The following LMO1 variants were observed in gnomAD, a reference collection of about 807,000 sequenced individuals.
LMO1 encodes LIM domain only 1, also known as rhombotin-1.
A neutral mutation model predicts 18.0 loss-of-function variants in LMO1; 10 were observed. That is an observed-to-expected ratio of 0.55 (90% confidence interval 0.34 to 0.94). LMO1 has a LOEUF of 0.94. LMO1 is among the 40% of genes least tolerant of loss of function. The probability of loss-of-function intolerance (pLI) is 0.02; values close to 1 mark genes in which losing one functional copy is unlikely to be tolerated. For synonymous variants in LMO1, 77 were observed against 77.9 expected, an observed-to-expected ratio of 0.99 and a Z score of 0.06; for missense variants, 183 against 205.7, an observed-to-expected ratio of 0.89 and a Z score of 0.68.
rs536362327 is a variant in LMO1 at position 8,263,462 on chromosome 11, G to A, written c.-100C>T. 2,830 of 1,550,460 alleles carry A rather than the reference G, an allele frequency of 1.8e-3. 2 individuals are homozygous for A. The highest frequency in any genetic ancestry group is 2.0e-3 in the Non-Finnish European group (2,361 of 1,156,580). On this transcript the variant is annotated 5_prime_UTR_variant, in exon 1 of 4. Coordinates refer to ENST00000335790, the MANE Select transcript of LMO1 (RefSeq NM_002315.3). ...GGCGGCCGGTCTTCGGGCAGCTAGCGGGCTCTAATTACCCGCTTGTCCGGC... is the reference window on the plus strand; with the variant it reads ...GGCGGCCGGTCTTCGGGCAGCTAGCAGGCTCTAATTACCCGCTTGTCCGGC...
At chr11:8,227,841 T>C (rs575988184) in intron 2 of LMO1, among the ~76,000 whole-genome samples, 1 of 152,288 alleles carries the variant, frequency 6.6e-6, no homozygotes, top group African/African-American at 2.4e-5. Flanking sequence ...TATTATTTGA[T>C]TTTTAAAAAT....
At chr11:8,224,753 G>A (rs2134505378) in intron 3 of LMO1, 32 bp from the exon 4 acceptor site, 6 of 1,471,272 alleles carry the variant, frequency 4.1e-6, no homozygotes, top group African/African-American at 2.8e-5. Context: ...GAGAAGCCAT[G>A]GGAAGGTCCC....
chr11:8,227,100 C>T lies in LMO1; in HGVS notation c.240G>A (p.Arg80=), dbSNP rs759065506. The change falls in exon 3 of 4, where the codon AGG becomes AGA. Residue 80 remains arginine, a splice_region_variant and synonymous_variant. Transcript: ENST00000335790. ...CACAGTTCCCTGTGGTGCCAAAGAG[C>T]CTGCCGAGGGAAGGGCGCAGAGGAC... ...NLILCRRDYL[R]LFGTTGNCAA... The T allele has an allele frequency of 8.1e-6, 13 of 1,612,452 alleles. No homozygotes were observed. The South Asian group carries it at 1.4e-4, about 18-fold the overall frequency.
rs1240277350 is a variant in LMO1 at position 8,263,353 on chromosome 11, G to A, written c.10C>T (p.Leu4=). The change falls in exon 1 of 4, where the codon CTG becomes TTG. Residue 4 remains leucine (L), a synonymous_variant. Coordinates refer to ENST00000335790, the MANE Select transcript of LMO1 (RefSeq NM_002315.3). MMV[L]DKEDGVPMLS... is the part of the protein sequence containing the mutation. ...CGCCACCTACCGTCCTCCTTGTCCA[G>A]CACCATCATCTCGGGCGCTCCGTGT... 1.5e-5 allele frequency: 24 copies of A among 1,604,760 alleles called. No individual in the cohort carries two copies. Among genetic ancestry groups the A allele is most frequent in the Non-Finnish European group, 1.8e-5 (21 of 1,178,720 alleles).
intron 1 of LMO1, among the ~76,000 whole-genome samples, chr11:8,231,391 G>A (rs1472617385): frequency 6.6e-6 from 1 of 152,264 alleles, no homozygotes; most frequent in Non-Finnish European, 1.5e-5. Flanking sequence ...ACGACGTGCA[G>A]GTGTGGGCAT....
intron 1 of LMO1, among the ~76,000 whole-genome samples, chr11:8,236,935 G>T (rs748999679): frequency 2.0e-5 from 3 of 152,176 alleles, no homozygotes; most frequent in Non-Finnish European, 2.9e-5. Flanking sequence ...ACAAGCAGCC[G>T]CACGCACGTT....
chr11:8,253,242 T>C (rs1847034970), intron 1 of LMO1, among the ~76,000 whole-genome samples: 1 of 152,196 alleles, frequency 6.6e-6, no homozygotes, highest in Non-Finnish European at 1.5e-5. Context: ...CTCCCAAAGC[T>C]GGGAACTCCA....
intron 1 of LMO1, among the ~76,000 whole-genome samples, chr11:8,252,474 C>T (rs1021720760): frequency 6.6e-6 from 1 of 152,260 alleles, no homozygotes; most frequent in African/African-American, 2.4e-5. Context: ...CTTGTATCAT[C>T]TGCCCCACTT....
At chr11:8,235,747 G>A (rs745722326) in intron 1 of LMO1, among the ~76,000 whole-genome samples, 4 of 152,146 alleles carry the variant, frequency 2.6e-5, no homozygotes, top group Admixed American at 6.5e-5. Flanking sequence ...GTGTGACTTC[G>A]ATTAACATTT....
intron 2 of LMO1, among the ~76,000 whole-genome samples, chr11:8,229,144 T>A (rs2134518388): frequency 6.6e-6 from 1 of 152,116 alleles, no homozygotes. Flanking sequence ...TGCCTCGGCC[T>A]CCCAAAGTGC....
In LMO1 at chr11:8,229,849, G is replaced by T. The variant is rs552767723; in HGVS notation, c.239+442C>A. 2.0e-5 allele frequency among the ~76,000 whole-genome samples: 3 copies of T among 152,338 alleles called. No homozygotes were observed. In the East Asian group the frequency reaches 5.8e-4, roughly 29 times the overall value. ...CTGCTCCCAAGGACCATCTAGAAAGGAAAGTTGGACACTGGGAGATGGAAA... is the reference window on the plus strand; with the variant it reads ...CTGCTCCCAAGGACCATCTAGAAAGTAAAGTTGGACACTGGGAGATGGAAA... On this transcript the variant is annotated intron_variant, in intron 2 of 3. Coordinates refer to ENST00000335790, the MANE Select transcript of LMO1 (RefSeq NM_002315.3).
chr11:8,268,299 G>A, upstream of LMO1: 4 of 700,670 alleles, frequency 5.7e-6, no homozygotes, highest in African/African-American at 1.9e-5. Context: ...CCCATCAGCC[G>A]GAGGAGGCCC....
Position 8,263,707 on chromosome 11 carries a change from C to T in LMO1, c.-345G>A. On this transcript the variant is annotated 5_prime_UTR_variant, in exon 1 of 4. Transcript: ENST00000335790. Reference sequence around the variant, plus strand: ...GCTCAATTTGCCCAGTATAATCTGTCTTAATGTAATTGCATTTGATAGCTC... The same window carrying T: ...GCTCAATTTGCCCAGTATAATCTGTTTTAATGTAATTGCATTTGATAGCTC... 8.5e-7 allele frequency: 1 copy of T among 1,171,516 alleles called. No individual in the cohort carries two copies. The highest frequency in any genetic ancestry group is 1.1e-6 in the Non-Finnish European group (1 of 949,120). 72.6% of individuals were successfully genotyped at this position (1,171,516 alleles called of 1,614,324 possible). A position where few individuals can be genotyped will look rare whatever the true frequency, so the allele number is the denominator to read the frequency against.
intron 1 of LMO1, among the ~76,000 whole-genome samples, chr11:8,249,707 C>G (rs966766939): frequency 6.6e-6 from 1 of 152,222 alleles, no homozygotes; most frequent in Non-Finnish European, 1.5e-5. Flanking sequence ...TGCAGCCTCA[C>G]TGATGATGCC....
chr11:8,230,579 T>C, intron 1 of LMO1, 75 bp from the exon 2 acceptor site: 2 of 1,448,534 alleles, frequency 1.4e-6, no homozygotes, highest in South Asian at 2.4e-5. Context: ...CCCCCAAGAA[T>C]GGGGAGCTCA....
At chr11:8,228,209 G>A (rs1952582614) in intron 2 of LMO1, among the ~76,000 whole-genome samples, 2 of 152,216 alleles carry the variant, frequency 1.3e-5, no homozygotes, top group Admixed American at 1.3e-4. Flanking sequence ...AAAGCTCTAG[G>A]GACAGGGAGT....
intron 1 of LMO1, among the ~76,000 whole-genome samples, chr11:8,236,193 A>AT (rs36082497): frequency 0.31 from 45,125 of 144,242 alleles, 7,356 homozygotes; most frequent in East Asian, 0.54. Context: ...TAGCCTTGGT[A>AT]TTTTTTTTTT....
intron 1 of LMO1, among the ~76,000 whole-genome samples, chr11:8,250,973 C>T (rs1353504385): frequency 6.6e-6 from 1 of 152,192 alleles, no homozygotes; most frequent in African/African-American, 2.4e-5. Context: ...GGGGACAGGG[C>T]CTTCCACCTG....
At chr11:8,228,227 C>T (rs1239564339) in intron 2 of LMO1, among the ~76,000 whole-genome samples, 1 of 152,256 alleles carries the variant, frequency 6.6e-6, no homozygotes, top group Non-Finnish European at 1.5e-5. Context: ...AGTTTACTCC[C>T]TCCCCATGCA....
Sources: gnomAD v4.1 joint callset for allele counts (sites outside exome capture counted in the v4.1 genomes callset) on GRCh38, gnomAD v4.1.1 for gene constraint, MANE v1.5 for transcripts, NCBI Gene and HGNC (gene_info 2026-07-23, HGNC 2026-07-21) for gene names.